Variants in THRAP3 observed in about 807,000 individuals in gnomAD.
THRAP3 encodes the protein thyroid hormone receptor associated protein 3.
THRAP3 carries 16 observed loss-of-function variants against 101.0 expected under a neutral mutation model. The observed-to-expected ratio is 0.16, with a 90% CI of 0.11 to 0.24. THRAP3 has a LOEUF of 0.24. Ranked by LOEUF, THRAP3 falls within the 10% of genes least tolerant of loss-of-function variation. The pLI is 1.00. For synonymous variants in THRAP3, 407 were observed against 422.6 expected (o/e 0.96, Z 0.45); for missense variants, 989 against 1,202.7 (o/e 0.82, Z 2.63).
At position 36,286,981 on chromosome 1, in the gene THRAP3, C is replaced by G. The variant is rs139880247; in HGVS notation, c.751C>G (p.Leu251Val). The part of the protein sequence containing the change: ...ELSPRERSPA[L>V]KSPLQSVVVR... ...GAGTCCTCGGGAGCGAAGCCCAGCT[C>G]TCAAAAGCCCCCTCCAGTCTGTGGT... The change falls in exon 4 of 12, where the codon CTC (leucine) becomes GTC (valine). Residue 251 changes from leucine (L) to valine (V), a missense_variant. Physicochemically the swap from Leu to Val is conservative, Grantham distance 32. Coordinates refer to ENST00000354618, the MANE Select transcript of THRAP3 (RefSeq NM_005119.4). This position sits in a 1 kb window ranked among gnomAD's most constrained non-coding sequence, Gnocchi z 5.5. 3.1e-6 allele frequency: 5 copies of G among 1,614,260 alleles called. No homozygotes were observed. Among genetic ancestry groups the G allele is most frequent in the Non-Finnish European group, 4.2e-6 (5 of 1,180,044 alleles).
chr1:36,212,582 G>A, the THRAP3 span, among the ~76,000 whole-genome samples: 5 of 151,844 alleles, frequency 3.3e-5, no homozygotes, highest in African/African-American at 1.2e-4. Flanking sequence ...CACCATGCTC[G>A]GCCAGTTTTT....
chr1:36,272,935 CTG>C lies in THRAP3; in HGVS notation c.-31-9596_-31-9595del, dbSNP rs773951079. Among the ~76,000 whole-genome samples, 4 of 152,326 alleles carry C rather than the reference CTG, an allele frequency of 2.6e-5. No homozygotes were observed. In the South Asian group the frequency reaches 6.2e-4, roughly 24 times the overall value. The stretch of plus-strand genomic sequence containing the variant: ...ATACATACATAATTTTATTCCTTGA[CTG>C]TATTGTTAATATTTGATAAACTGAT... On this transcript the variant is annotated intron_variant, in intron 2 of 11. Transcript: ENST00000354618.
chr1:36,212,515 C>T, the THRAP3 span, among the ~76,000 whole-genome samples: 1 of 149,466 alleles, frequency 6.7e-6, no homozygotes, highest in Non-Finnish European at 1.5e-5. Flanking sequence ...CCACCTCCTG[C>T]GTTCGAGCGA....
In THRAP3 at chr1:36,289,286, G is replaced by A; in HGVS notation, c.1267G>A (p.Ala423Thr). 6.2e-7 allele frequency: 1 copy of A among 1,614,110 alleles called. No individual in the cohort carries two copies. The highest frequency in any genetic ancestry group is 1.3e-5 in the African/African-American group (1 of 75,012). The change falls in exon 5 of 12, where the codon GCT (alanine) becomes ACT (threonine). Residue 423 changes from alanine (A) to threonine (T), a missense_variant. Coordinates refer to ENST00000354618, the MANE Select transcript of THRAP3 (RefSeq NM_005119.4). ...CCGAGATGACTTTGAGAAGAAGATG[G>A]CTGACTTCCACAAGGAGGAGATGGA... is the stretch of plus-strand genomic sequence containing the variant. ...KLRDDFEKKMADFHKEEMDDQ... is the reference protein window; with the variant it reads ...KLRDDFEKKMTDFHKEEMDDQ...
In THRAP3 at chr1:36,260,040, G is replaced by A. The variant is rs536479944; in HGVS notation, c.-32+556G>A. 7.1e-4 allele frequency among the ~76,000 whole-genome samples: 108 copies of A among 151,958 alleles called. 1 individual carries two copies. Among genetic ancestry groups the A allele is most frequent in the African/African-American group, 2.5e-3 (102 of 41,472 alleles). On this transcript the variant is annotated intron_variant, in intron 2 of 11. Transcript: ENST00000354618. ...GGTGATCACTTGAGGTCAAGAGTTCGAGACCAGCCTGGCCAACATAGTGAA... is the reference window on the plus strand; with the variant it reads ...GGTGATCACTTGAGGTCAAGAGTTCAAGACCAGCCTGGCCAACATAGTGAA...
chr1:36,304,057 C>A lies in THRAP3; in HGVS notation c.*40C>A. 6.8e-7 allele frequency: 1 copy of A among 1,461,908 alleles called. No homozygotes were observed. The highest frequency in any genetic ancestry group is 9.0e-7 in the Non-Finnish European group (1 of 1,105,758). The allele number at this position is 1,461,908 out of a possible 1,614,324, so 90.6% of individuals were successfully genotyped here. Reference sequence around the variant, plus strand: ...GGGATTCCTGCCCAGGGGAGAGAGGCGCTGGGAAGATGGCTGGTGAGGAGC... The same window carrying A: ...GGGATTCCTGCCCAGGGGAGAGAGGAGCTGGGAAGATGGCTGGTGAGGAGC... On this transcript the variant is annotated 3_prime_UTR_variant, in exon 12 of 12. Transcript: ENST00000354618.
At chr1:36,242,871 G>C (rs1278855174) in intron 1 of THRAP3, among the ~76,000 whole-genome samples, 2 of 151,758 alleles carry the variant, frequency 1.3e-5, no homozygotes, top group East Asian at 3.9e-4. Flanking sequence ...ATTCTCTTCT[G>C]TTTTCTTCTA....
chr1:36,247,082 G>A (rs566227469), intron 1 of THRAP3, among the ~76,000 whole-genome samples: 89 of 152,028 alleles, frequency 5.9e-4, no homozygotes, highest in South Asian at 4.4e-3. Flanking sequence ...ACTTTGGGAG[G>A]CTGAGGCGGG....
chr1:36,305,315 C>A lies in THRAP3; in HGVS notation c.*1298C>A, dbSNP rs1440564991. The A allele has an allele frequency of 5.2e-6, 1 of 191,562 alleles. No individual in the cohort carries two copies. The highest frequency in any genetic ancestry group is 1.1e-5 in the Non-Finnish European group (1 of 91,316). The allele number at this position is 191,562 out of a possible 1,614,324, so 11.9% of individuals were successfully genotyped here. ...TGAAAATCTCCCTTAAAATTTGTTTCAACTCCTCCTGCAAATAAAATAAAT... is the reference window on the plus strand; with the variant it reads ...TGAAAATCTCCCTTAAAATTTGTTTAAACTCCTCCTGCAAATAAAATAAAT... On this transcript the variant is annotated 3_prime_UTR_variant, in exon 12 of 12. Coordinates refer to ENST00000354618, the MANE Select transcript of THRAP3 (RefSeq NM_005119.4).
At chr1:36,246,715 A>G (rs1645235828) in intron 1 of THRAP3, among the ~76,000 whole-genome samples, 1 of 151,878 alleles carries the variant, frequency 6.6e-6, no homozygotes, top group Non-Finnish European at 1.5e-5. Context: ...GGTGGCCGGC[A>G]CTTGTAGTCC....
At chr1:36,214,410 T>C in the THRAP3 span, among the ~76,000 whole-genome samples, 20 of 152,318 alleles carry the variant, frequency 1.3e-4, no homozygotes, top group African/African-American at 4.6e-4. Flanking sequence ...TTTTGAATCT[T>C]CCCACTTTTC....
At chr1:36,257,217 C>G (rs1252589573) in intron 1 of THRAP3, among the ~76,000 whole-genome samples, 2 of 152,158 alleles carry the variant, frequency 1.3e-5, no homozygotes, top group Admixed American at 6.6e-5. Flanking sequence ...TCTTCCGTCT[C>G]TGCTCAGCTG....
At position 36,305,181 on chromosome 1, in the gene THRAP3, C is replaced by A; in HGVS notation, c.*1164C>A. Reference sequence around the variant, plus strand: ...TGTTATATGCGGACTGCACCCACCTCTCCCCCCCAGCCTTTGCCTCTTGCG... The same window carrying A: ...TGTTATATGCGGACTGCACCCACCTATCCCCCCCAGCCTTTGCCTCTTGCG... On this transcript the variant is annotated 3_prime_UTR_variant, in exon 12 of 12. Coordinates refer to ENST00000354618, the MANE Select transcript of THRAP3 (RefSeq NM_005119.4). 1 of 221,992 alleles carries A rather than the reference C, an allele frequency of 4.5e-6. No individual in the cohort carries two copies. The highest frequency in any genetic ancestry group is 6.5e-5 in the East Asian group (1 of 15,492). The allele number at this position is 221,992 out of a possible 1,614,324, so 13.8% of individuals were successfully genotyped here.
upstream of THRAP3, among the ~76,000 whole-genome samples, chr1:36,220,972 A>AAAAAAAAT (rs1285765741): frequency 4.2e-5 from 4 of 94,144 alleles, no homozygotes; most frequent in African/African-American, 1.4e-4. Flanking sequence ...AAAAAAAAAA[A>AAAAAAAAT]ATATATATAT....
At chr1:36,251,506 A>G (rs571373607) in intron 1 of THRAP3, among the ~76,000 whole-genome samples, 1 of 152,364 alleles carries the variant, frequency 6.6e-6, no homozygotes, top group East Asian at 1.9e-4. Context: ...TTTAAGGAGC[A>G]GACTCATTCA....
chr1:36,287,186 A>G lies in THRAP3; in HGVS notation c.956A>G (p.Lys319Arg). The change falls in exon 4 of 12, where the codon AAG (lysine) becomes AGG (arginine). Residue 319 changes from lysine (K) to arginine (R), a missense_variant. Transcript: ENST00000354618. The stretch of plus-strand genomic sequence containing the variant: ...CCATCCAAAAAGAGCCCTGTGGGTA[A>G]GAGTCCACCATCCACTGGCTCCACA... ...LSPSKKSPVGKSPPSTGSTYG... is the reference protein window; with the variant it reads ...LSPSKKSPVGRSPPSTGSTYG... 6.2e-7 allele frequency: 1 copy of G among 1,614,202 alleles called. No individual in the cohort carries two copies. The highest frequency in any genetic ancestry group is 8.5e-7 in the Non-Finnish European group (1 of 1,180,028).
At chr1:36,250,420 G>A (rs1455159319) in intron 1 of THRAP3, among the ~76,000 whole-genome samples, 1 of 151,826 alleles carries the variant, frequency 6.6e-6, no homozygotes, top group Admixed American at 6.6e-5. Flanking sequence ...CACTATGTTG[G>A]CCGGGATGGT....
chr1:36,243,982 C>G (rs1373801859), intron 1 of THRAP3, among the ~76,000 whole-genome samples: 6 of 140,936 alleles, frequency 4.3e-5, no homozygotes, highest in Admixed American at 2.7e-4. Context: ...CTGAACCCCC[C>G]ACCTCCCTCC....
chr1:36,298,945 C>T (rs1645995088), intron 9 of THRAP3, among the ~76,000 whole-genome samples: 3 of 152,176 alleles, frequency 2.0e-5, no homozygotes, highest in Admixed American at 2.0e-4. Context: ...CAGGTGTACA[C>T]CATCATGCCT....
Sources: gnomAD v4.1 joint callset for allele counts (sites outside exome capture counted in the v4.1 genomes callset) on GRCh38, gnomAD v4.1.1 for gene constraint, Gnocchi (gnomAD v3.1) non-coding constraint, MANE v1.5 for transcripts, NCBI Gene and HGNC (gene_info 2026-07-23, HGNC 2026-07-21) for gene names.